KCNQ5: variants seen among roughly 807,000 people sequenced by gnomAD.
The protein encoded by KCNQ5 is potassium voltage-gated channel subfamily KQT member 5.
Under a neutral mutation model 98.2 loss-of-function variants are expected in KCNQ5, and 30 were observed. The observed-to-expected ratio is 0.31, with a 90% CI of 0.23 to 0.41. KCNQ5 has a LOEUF of 0.41. Ranked by LOEUF, KCNQ5 falls within the 10% of genes least tolerant of loss-of-function variation. The pLI is 1.00. For synonymous variants in KCNQ5, 458 were observed against 449.4 expected (o/e 1.02, Z -0.24); for missense variants, 835 against 1,182.5 (o/e 0.71, Z 4.31).
At position 72,987,718 on chromosome 6, in the gene KCNQ5, A is replaced by G. The variant is rs1431324128; in HGVS notation, c.399-16190A>G. The stretch of plus-strand genomic sequence containing the variant: ...CAACAAGATCTTTTATATTCATAGG[A>G]ACGCTTCCAAGTTAGCCAAGCTGGA... On this transcript the variant is annotated intron_variant, in intron 1 of 13. Transcript: ENST00000370398. 7 of 553,592 alleles carry G rather than the reference A, an allele frequency of 1.3e-5. No individual in the cohort carries two copies. In the African/African-American group the frequency reaches 1.4e-4, roughly 11 times the overall value. 34.3% of individuals were successfully genotyped at this position (553,592 alleles called of 1,614,324 possible).
chr6:73,165,289 T>A (rs551665737), intron 10 of KCNQ5, among the ~76,000 whole-genome samples: 1 of 152,306 alleles, frequency 6.6e-6, no homozygotes, highest in East Asian at 1.9e-4. Flanking sequence ...CCAGCTGTAC[T>A]GGGACTCCTG....
At chr6:73,162,796 T>C (rs9360646) in intron 10 of KCNQ5, among the ~76,000 whole-genome samples, 15,122 of 152,248 alleles carry the variant, frequency 0.099, 972 homozygotes, top group East Asian at 0.25. Context: ...TGGACCACTG[T>C]CTGTGTGGAG....
At chr6:72,862,265 A>T (rs995474717) in intron 1 of KCNQ5, among the ~76,000 whole-genome samples, 7 of 152,172 alleles carry the variant, frequency 4.6e-5, no homozygotes, top group African/African-American at 1.7e-4. Flanking sequence ...TGAGAGGGGA[A>T]ATTCTCTAAG....
chr6:72,749,809 C>A (rs1771587069), intron 1 of KCNQ5, among the ~76,000 whole-genome samples: 1 of 152,006 alleles, frequency 6.6e-6, no homozygotes, highest in Admixed American at 6.6e-5. Context: ...TTTTTCTTTT[C>A]ATAGGACCTT....
intron 1 of KCNQ5, among the ~76,000 whole-genome samples, chr6:72,956,083 C>G (rs1049476009): frequency 6.6e-6 from 1 of 152,186 alleles, no homozygotes; most frequent in East Asian, 1.9e-4. Context: ...GGGAATGAAA[C>G]TAATAAATTC....
At chr6:72,947,756 A>T (rs1420438995) in intron 1 of KCNQ5, among the ~76,000 whole-genome samples, 1 of 152,164 alleles carries the variant, frequency 6.6e-6, no homozygotes. Context: ...GGCCATGTTT[A>T]TTCTGTCAAA....
chr6:72,924,398 G>A (rs937093227), intron 1 of KCNQ5, among the ~76,000 whole-genome samples: 2 of 152,084 alleles, frequency 1.3e-5, no homozygotes, highest in Non-Finnish European at 2.9e-5. Context: ...GTGAAAACTA[G>A]GGTCACCAAA....
chr6:72,971,937 T>C (rs1263599469), intron 1 of KCNQ5, among the ~76,000 whole-genome samples: 1 of 152,140 alleles, frequency 6.6e-6, no homozygotes, highest in Non-Finnish European at 1.5e-5. Context: ...TGTATACATA[T>C]GTAACAAACC....
At chr6:72,866,261 T>A (rs1388884460) in intron 1 of KCNQ5, among the ~76,000 whole-genome samples, 5 of 149,452 alleles carry the variant, frequency 3.3e-5, no homozygotes, top group Non-Finnish European at 5.9e-5. Context: ...CCTTTTTTTT[T>A]TTTTTTTTTT....
intron 1 of KCNQ5, among the ~76,000 whole-genome samples, chr6:72,788,296 T>C (rs1284466050): frequency 6.6e-6 from 1 of 152,222 alleles, no homozygotes; most frequent in Non-Finnish European, 1.5e-5. Context: ...TCTGCTACTT[T>C]CCCTGGAAAG....
At chr6:72,965,599 C>T (rs1429728319) in intron 1 of KCNQ5, among the ~76,000 whole-genome samples, 1 of 152,122 alleles carries the variant, frequency 6.6e-6, no homozygotes, top group East Asian at 1.9e-4. Flanking sequence ...AGCAGATGTT[C>T]TTATTGTTTT....
rs1340965227 is a variant in KCNQ5 at position 72,864,486 on chromosome 6, T to C, written c.399-139422T>C. Among the ~76,000 whole-genome samples the C allele has an allele frequency of 2.0e-5, 3 of 152,342 alleles. No homozygotes were observed. The East Asian group carries it at 5.8e-4, about 29-fold the overall frequency. On this transcript the variant is annotated intron_variant, in intron 1 of 13. Transcript: ENST00000370398. Reference sequence around the variant, plus strand: ...TGGCCTTAGTTAAGCCACTTGTTTTTTCTTTATCTCATTTTCCCCCACTGT... The same window carrying C: ...TGGCCTTAGTTAAGCCACTTGTTTTCTCTTTATCTCATTTTCCCCCACTGT...
intron 1 of KCNQ5, among the ~76,000 whole-genome samples, chr6:72,856,504 A>G (rs189713456): frequency 3.8e-4 from 57 of 149,830 alleles, no homozygotes; most frequent in Non-Finnish European, 5.7e-4. Context: ...ACGTGTGTGT[A>G]TTTAAATAAA....
intron 1 of KCNQ5, among the ~76,000 whole-genome samples, chr6:72,664,372 G>T (rs1415205323): frequency 1.3e-5 from 2 of 152,154 alleles, no homozygotes; most frequent in African/African-American, 2.4e-5. Flanking sequence ...TTGGAAATCA[G>T]GCCGGGTGCG....
At chr6:72,816,045 C>T (rs1419416218) in intron 1 of KCNQ5, among the ~76,000 whole-genome samples, 5 of 152,000 alleles carry the variant, frequency 3.3e-5, no homozygotes, top group Non-Finnish European at 7.4e-5. Flanking sequence ...TAAGGAACAC[C>T]CCCACTTGCA....
At chr6:72,880,084 C>A (rs1373473991) in intron 1 of KCNQ5, among the ~76,000 whole-genome samples, 1 of 152,126 alleles carries the variant, frequency 6.6e-6, no homozygotes, top group African/African-American at 2.4e-5. Context: ...TTTCAGTCTG[C>A]CCTTTCCCCA....
At chr6:72,929,204 A>T (rs1214175021) in intron 1 of KCNQ5, among the ~76,000 whole-genome samples, 3 of 152,126 alleles carry the variant, frequency 2.0e-5, no homozygotes, top group East Asian at 1.9e-4. Flanking sequence ...TGAAACTAAG[A>T]TCCCTTTTAT....
At chr6:72,859,269 A>G (rs1315032316) in intron 1 of KCNQ5, among the ~76,000 whole-genome samples, 3 of 152,160 alleles carry the variant, frequency 2.0e-5, no homozygotes, top group Non-Finnish European at 2.9e-5. Flanking sequence ...CTATTCCATA[A>G]TGCCTTGAGA....
chr6:72,917,454 TTTTTA>T (rs199931952), intron 1 of KCNQ5, among the ~76,000 whole-genome samples: 20,236 of 147,630 alleles, frequency 0.14, 1,773 homozygotes, highest in East Asian at 0.31. Flanking sequence ...TTTATTTTTA[TTTTTA>T]TTTTATTTTA....
Sources: gnomAD v4.1 joint callset for allele counts (sites outside exome capture counted in the v4.1 genomes callset) on GRCh38, gnomAD v4.1.1 for gene constraint, MANE v1.5 for transcripts, NCBI Gene and HGNC (gene_info 2026-07-23, HGNC 2026-07-21) for gene names.